MAN1C1: variants seen among roughly 807,000 people sequenced by gnomAD.
The protein encoded by MAN1C1 is mannosidase alpha class 1C member 1, also known as mannosyl-oligosaccharide 1,2-alpha-mannosidase IC.
A neutral mutation model predicts 71.5 loss-of-function variants in MAN1C1; 49 were observed. The ratio of observed to expected loss-of-function variants is 0.69; its 90% CI spans 0.54 to 0.87. MAN1C1 has a LOEUF of 0.87. MAN1C1 is among the 40% of genes least tolerant of loss of function. MAN1C1 has a pLI of 0.00. For missense variants in MAN1C1, 743 were observed against 835.0 expected (o/e 0.89, Z 1.36); for synonymous variants, 352 against 343.7 (o/e 1.02, Z -0.27).
At chr1:25,635,850 C>T (rs550367279) in intron 1 of MAN1C1, among the ~76,000 whole-genome samples, 62 of 152,246 alleles carry the variant, frequency 4.1e-4, no homozygotes, top group African/African-American at 1.1e-3. Flanking sequence ...TAATTTAGCT[C>T]GGCTACTGGG....
In MAN1C1 at chr1:25,769,206, CCA is replaced by C; in HGVS notation, c.1142-2445_1142-2444del. Among the ~76,000 whole-genome samples, 3 of 150,162 alleles carry C rather than the reference CCA, an allele frequency of 2.0e-5. 1 individual carries two copies. In the South Asian group the frequency reaches 6.3e-4, roughly 32 times the overall value. On this transcript the variant is annotated intron_variant, in intron 7 of 11. Transcript: ENST00000374332. This position sits in a 1 kb window ranked among gnomAD's most constrained non-coding sequence, Gnocchi z 4.8. ...CACACACTCGCCTCATGCACACACC[CCA>C]CACACTACACATAGTCCCCTCATAC...
chr1:25,763,798 T>C, intron 6 of MAN1C1, 76 bp from the exon 7 acceptor site: 2 of 1,192,024 alleles, frequency 1.7e-6, no homozygotes, highest in South Asian at 2.5e-5. Context: ...ACCAGCTGCC[T>C]CCCATCCTCA....
intron 1 of MAN1C1, among the ~76,000 whole-genome samples, chr1:25,620,165 G>A (rs868527027): frequency 5.3e-5 from 8 of 152,306 alleles, no homozygotes; most frequent in African/African-American, 1.4e-4. Flanking sequence ...TGGCTGGAGG[G>A]TGGGAAGAGG....
chr1:25,747,827 A>C (rs1327817128), intron 3 of MAN1C1, among the ~76,000 whole-genome samples: 1 of 152,224 alleles, frequency 6.6e-6, no homozygotes, highest in Non-Finnish European at 1.5e-5. Context: ...CAACAATATT[A>C]ATAATGCCTA....
chr1:25,763,486 C>CAAAAAAAAAA (rs60144894), intron 6 of MAN1C1, among the ~76,000 whole-genome samples: 1 of 87,628 alleles, frequency 1.1e-5, no homozygotes, highest in South Asian at 5.1e-4. Flanking sequence ...GAGACTGTCT[C>CAAAAAAAAAA]AAAAAAAAAA....
At chr1:25,676,283 T>A (rs1273921172) in intron 1 of MAN1C1, among the ~76,000 whole-genome samples, 5 of 152,062 alleles carry the variant, frequency 3.3e-5, no homozygotes, top group Non-Finnish European at 7.4e-5. Flanking sequence ...TTCAATAGCT[T>A]GAGTAAACCC....
At chr1:25,696,839 G>T (rs2046376493) in intron 2 of MAN1C1, among the ~76,000 whole-genome samples, 1 of 152,008 alleles carries the variant, frequency 6.6e-6, no homozygotes, top group African/African-American at 2.4e-5. Flanking sequence ...TAGAGATGAG[G>T]TCTTGCTATG....
At chr1:25,747,300 C>G (rs563763539) in intron 3 of MAN1C1, among the ~76,000 whole-genome samples, 1 of 152,332 alleles carries the variant, frequency 6.6e-6, no homozygotes, top group East Asian at 1.9e-4. Flanking sequence ...CTCTTGGTCT[C>G]CAGCCTTGCA....
chr1:25,643,671 A>AT (rs1242953200), intron 1 of MAN1C1, among the ~76,000 whole-genome samples: 24 of 144,162 alleles, frequency 1.7e-4, no homozygotes, highest in Admixed American at 4.2e-4. Context: ...CACCCAGCTA[A>AT]TTTTTTTGTA....
chr1:25,659,653 T>C (rs899765405), intron 1 of MAN1C1, among the ~76,000 whole-genome samples: 1 of 152,240 alleles, frequency 6.6e-6, no homozygotes, highest in African/African-American at 2.4e-5. Context: ...AAGCAGAATC[T>C]CCTGGACTCC....
At chr1:25,622,720 A>T (rs2045233166) in intron 1 of MAN1C1, among the ~76,000 whole-genome samples, 1 of 152,146 alleles carries the variant, frequency 6.6e-6, no homozygotes, top group Non-Finnish European at 1.5e-5. Context: ...GGGAGGGAGC[A>T]CCCCAGCTCT....
chr1:25,619,112 AAC>A (rs2045164692), intron 1 of MAN1C1, among the ~76,000 whole-genome samples: 1 of 152,218 alleles, frequency 6.6e-6, no homozygotes, highest in Non-Finnish European at 1.5e-5. Flanking sequence ...ATCAAAAGCA[AAC>A]ACAGCCTCAC....
At chr1:25,632,459 ATTTCATCTTTTGTATTTTTT>A (rs1225495232) in intron 1 of MAN1C1, among the ~76,000 whole-genome samples, 2 of 151,232 alleles carry the variant, frequency 1.3e-5, no homozygotes, top group East Asian at 3.9e-4. Flanking sequence ...CCAGCTTTTT[ATTTCATCTTTTGTATTTTTT>A]TATGTTTCAA....
intron 2 of MAN1C1, among the ~76,000 whole-genome samples, chr1:25,701,355 A>G (rs962552167): frequency 3.9e-5 from 6 of 152,256 alleles, no homozygotes; most frequent in African/African-American, 1.2e-4. Context: ...CCCACCGGCT[A>G]GTGCAGACCC....
Position 25,780,985 on chromosome 1 carries a change from A to AGGCCGTGGCCACCCAGCTGAGC in MAN1C1, c.1525_1546dup (p.Glu516GlyfsTer63), listed in dbSNP as rs1328462244. On this transcript the variant is annotated frameshift_variant, in exon 10 of 12. Transcript: ENST00000374332. LOFTEE classifies it high-confidence loss of function. The stretch of plus-strand genomic sequence containing the variant: ...GCCTTCTGGTTTAACTCCGGCAGAG[A>AGGCCGTGGCCACCCAGCTGAGC]GGCCGTGGCCACCCAGCTGAGCGAG... 1.2e-6 allele frequency: 2 copies of AGGCCGTGGCCACCCAGCTGAGC among 1,614,188 alleles called. No homozygotes were observed. The highest frequency in any genetic ancestry group is 2.2e-5 in the South Asian group (2 of 91,090).
Position 25,766,720 on chromosome 1 carries a change from CCT to C in MAN1C1, c.1141+2754_1141+2755del, listed in dbSNP as rs1430785767. Among the ~76,000 whole-genome samples the C allele has an allele frequency of 4.6e-5, 7 of 152,130 alleles. No individual in the cohort carries two copies. In the East Asian group the frequency reaches 1.3e-3, roughly 29 times the overall value. On this transcript the variant is annotated intron_variant, in intron 7 of 11. Transcript: ENST00000374332. ...AATGAGACCACCCTGAGGCCAACCC[CCT>C]GAGAGCTGCCGAGGAGGGGTCACCA...
At chr1:25,712,793 G>A (rs937117235) in intron 2 of MAN1C1, among the ~76,000 whole-genome samples, 4 of 152,148 alleles carry the variant, frequency 2.6e-5, no homozygotes, top group Admixed American at 2.0e-4. Context: ...ATGGCGGTGG[G>A]CATCGGCTGT....
At chr1:25,684,049 C>T (rs191907005) in intron 1 of MAN1C1, among the ~76,000 whole-genome samples, 5 of 152,294 alleles carry the variant, frequency 3.3e-5, no homozygotes, top group East Asian at 3.9e-4. Flanking sequence ...CTATGATTCT[C>T]GTAGTTACTC....
At chr1:25,732,924 C>A (rs1172276372) in intron 2 of MAN1C1, among the ~76,000 whole-genome samples, 1 of 152,188 alleles carries the variant, frequency 6.6e-6, no homozygotes, top group Non-Finnish European at 1.5e-5. Flanking sequence ...TGGCTGTGGT[C>A]CACAGGCCGT....
Sources: allele counts gnomAD v4.1 joint callset (sites outside exome capture counted in the v4.1 genomes callset), GRCh38; gene constraint gnomAD v4.1.1; non-coding constraint Gnocchi (gnomAD v3.1); transcripts MANE v1.5; gene names NCBI Gene and HGNC (gene_info 2026-07-23, HGNC 2026-07-21).